OR56A3: variants seen among roughly 807,000 people sequenced by gnomAD.
OR56A3 encodes olfactory receptor 56A3.
OR56A3 carries 23 observed loss-of-function variants against 17.5 expected under a neutral mutation model. That is an observed-to-expected ratio of 1.32 (90% confidence interval 0.95 to 1.87). The LOEUF (loss-of-function observed/expected upper bound fraction) is 1.87. Among genes scored for constraint, OR56A3 ranks in the 40% most tolerant of loss-of-function variants. The pLI is 0.00. For synonymous variants in OR56A3, 175 were observed against 150.6 expected, an observed-to-expected ratio of 1.16 and a Z score of -1.19; for missense variants, 366 against 380.1, an observed-to-expected ratio of 0.96 and a Z score of 0.31.
the OR56A3 span, among the ~76,000 whole-genome samples, chr11:5,962,982 G>A: frequency 6.6e-6 from 1 of 152,198 alleles, no homozygotes; most frequent in Admixed American, 6.5e-5. Flanking sequence ...ATTTGTTGGT[G>A]TGTAGTTGAT....
At chr11:6,020,556 A>G in the OR56A3 span, 1 of 151,868 alleles carries the variant, frequency 6.6e-6, no homozygotes, top group Non-Finnish European at 1.5e-5. Context: ...TTGGTATTTT[A>G]TTTTTTGTGT....
At chr11:5,952,909 G>A (rs1476773296), downstream of OR56A3, among the ~76,000 whole-genome samples, 1 of 152,086 alleles carries the variant, frequency 6.6e-6, no homozygotes, top group Non-Finnish European at 1.5e-5. Flanking sequence ...GCAGTATTAG[G>A]TTTTGTGTTC....
At chr11:6,009,500 T>C in the OR56A3 span, among the ~76,000 whole-genome samples, 1 of 152,214 alleles carries the variant, frequency 6.6e-6, no homozygotes, top group Non-Finnish European at 1.5e-5. Flanking sequence ...AAATTTAATA[T>C]ATTCAATTCA....
At chr11:5,987,440 G>A in the OR56A3 span, among the ~76,000 whole-genome samples, 1 of 151,966 alleles carries the variant, frequency 6.6e-6, no homozygotes, top group Non-Finnish European at 1.5e-5. Context: ...TTATTCCCAT[G>A]GTTTTAACTG....
chr11:5,967,944 T>A, the OR56A3 span: 9 of 1,595,198 alleles, frequency 5.6e-6, 1 homozygote, highest in African/African-American at 1.2e-4. Flanking sequence ...CACAGACACG[T>A]TAGTACAGAT....
chr11:5,989,695 A>G, the OR56A3 span, among the ~76,000 whole-genome samples: 2 of 152,190 alleles, frequency 1.3e-5, no homozygotes, highest in Admixed American at 1.3e-4. Flanking sequence ...TATTCAGATA[A>G]TAGGTACACT....
chr11:5,974,608 G>C, the OR56A3 span, among the ~76,000 whole-genome samples: 1 of 152,174 alleles, frequency 6.6e-6, no homozygotes, highest in Non-Finnish European at 1.5e-5. Flanking sequence ...ATGTAGCATG[G>C]AATGGCATCC....
the OR56A3 span, among the ~76,000 whole-genome samples, chr11:5,971,033 G>A: frequency 6.6e-5 from 10 of 152,218 alleles, no homozygotes; most frequent in Non-Finnish European, 1.5e-4. Context: ...AGAAGCTCAA[G>A]ATAATAGCTG....
At chr11:5,992,488 T>C in the OR56A3 span, among the ~76,000 whole-genome samples, 688 of 152,260 alleles carry the variant, frequency 4.5e-3, 2 homozygotes, top group Non-Finnish European at 5.6e-3. Flanking sequence ...TGACAATCAT[T>C]GTTCTCCTGT....
Position 5,948,463 on chromosome 11 carries a change from C to T in OR56A3, c.*169C>T. 1.7e-6 allele frequency: 1 copy of T among 571,504 alleles called. No homozygotes were observed. Among genetic ancestry groups the T allele is most frequent in the South Asian group, 2.6e-5 (1 of 37,756 alleles). 35.4% of individuals were successfully genotyped at this position (571,504 alleles called of 1,614,324 possible). Reference sequence around the variant, plus strand: ...TTTAATTTAAGTCTATCTTCCTTTTCACCCTTTTCTCAGAAATATTCTTGG... The same window carrying T: ...TTTAATTTAAGTCTATCTTCCTTTTTACCCTTTTCTCAGAAATATTCTTGG... On this transcript the variant is annotated 3_prime_UTR_variant, in exon 3 of 3. Coordinates refer to ENST00000641160, the MANE Select transcript of OR56A3 (RefSeq NM_001003443.3).
At chr11:5,944,356 C>G (rs1032177160) in intron 1 of OR56A3, among the ~76,000 whole-genome samples, 1 of 152,032 alleles carries the variant, frequency 6.6e-6, no homozygotes, top group Non-Finnish European at 1.5e-5. Flanking sequence ...GGAATTGGAG[C>G]CTATGAGCTG....
Position 5,950,309 on chromosome 11 carries a change from A to T in OR56A3, c.*2015A>T, listed in dbSNP as rs1250303022. The T allele has an allele frequency of 2.0e-5, 3 of 152,154 alleles. No homozygotes were observed. The highest frequency in any genetic ancestry group is 2.0e-4 in the Admixed American group (3 of 15,272). 9.4% of individuals were successfully genotyped at this position (152,154 alleles called of 1,614,324 possible). On this transcript the variant is annotated 3_prime_UTR_variant, in exon 3 of 3. Coordinates refer to ENST00000641160, the MANE Select transcript of OR56A3 (RefSeq NM_001003443.3). ...GGACATATTGAGGGATTTAGAGTACATACCTCCCTGAGATTAAGAAAATTT... is the reference window on the plus strand; with the variant it reads ...GGACATATTGAGGGATTTAGAGTACTTACCTCCCTGAGATTAAGAAAATTT...
chr11:5,957,755 C>CT, the OR56A3 span, among the ~76,000 whole-genome samples: 1 of 151,948 alleles, frequency 6.6e-6, no homozygotes, highest in African/African-American at 2.4e-5. Flanking sequence ...ATTTTTAAAA[C>CT]TTTTTTTTAA....
the OR56A3 span, among the ~76,000 whole-genome samples, chr11:6,007,177 C>T: frequency 2.6e-5 from 4 of 152,140 alleles, no homozygotes; most frequent in Non-Finnish European, 5.9e-5. Context: ...ACAAAAATGG[C>T]ATTCATCTAG....
At chr11:5,990,276 G>T in the OR56A3 span, among the ~76,000 whole-genome samples, 1 of 152,240 alleles carries the variant, frequency 6.6e-6, no homozygotes, top group Non-Finnish European at 1.5e-5. Flanking sequence ...TTAAAAGACT[G>T]AGAATCACAG....
chr11:5,978,860 G>A, the OR56A3 span, among the ~76,000 whole-genome samples: 1 of 152,084 alleles, frequency 6.6e-6, no homozygotes, highest in African/African-American at 2.4e-5. Context: ...GTTTGTCATA[G>A]ATGGCTTTTA....
the OR56A3 span, among the ~76,000 whole-genome samples, chr11:6,003,736 C>T: frequency 2.6e-5 from 4 of 152,050 alleles, no homozygotes; most frequent in South Asian, 2.1e-4. Flanking sequence ...AATGACACAA[C>T]GTTGTGTGAA....
At chr11:5,993,055 T>A in the OR56A3 span, among the ~76,000 whole-genome samples, 5 of 152,120 alleles carry the variant, frequency 3.3e-5, no homozygotes, top group South Asian at 1.0e-3. Flanking sequence ...TTAGTGCCCA[T>A]AAGAATTGGT....
the OR56A3 span, chr11:6,003,226 A>T: frequency 2.3e-6 from 2 of 888,076 alleles, no homozygotes; most frequent in Non-Finnish European, 3.4e-6. Context: ...TCATCCTTTT[A>T]AAAAATACTA....
Sources: gnomAD v4.1 joint callset for allele counts (sites outside exome capture counted in the v4.1 genomes callset) on GRCh38, gnomAD v4.1.1 for gene constraint, MANE v1.5 for transcripts, NCBI Gene and HGNC (gene_info 2026-07-23, HGNC 2026-07-21) for gene names.